FGF14: variants seen among roughly 807,000 people sequenced by gnomAD.
FGF14 encodes the protein fibroblast growth factor homologous factor 4.
In FGF14, 5 loss-of-function variants were observed where a neutral mutation model predicts 25.5. That is an observed-to-expected ratio of 0.20 (90% CI 0.10 to 0.41). FGF14 has a LOEUF of 0.41. FGF14 is among the 10% of genes least tolerant of loss of function. The pLI, the probability that FGF14 is intolerant of heterozygous loss-of-function variation, is 1.00. For missense variants in FGF14, 222 were observed against 320.1 expected (o/e 0.69, Z 2.34); for synonymous variants, 138 against 118.3 (o/e 1.17, Z -1.08).
chr13:102,231,663 T>C (rs576026373), intron 1 of FGF14, among the ~76,000 whole-genome samples: 3 of 152,328 alleles, frequency 2.0e-5, no homozygotes, highest in Admixed American at 6.5e-5. Context: ...AATGGCTATC[T>C]CGTTACTCAT....
chr13:102,200,217 A>C (rs1459233414), intron 1 of FGF14, among the ~76,000 whole-genome samples: 1 of 152,218 alleles, frequency 6.6e-6, no homozygotes, highest in Non-Finnish European at 1.5e-5. Context: ...AATTTCATTT[A>C]ATCCTTGTTA....
intron 1 of FGF14, chr13:102,367,639 C>T (rs1262079084): frequency 6.6e-6 from 1 of 152,158 alleles, no homozygotes; most frequent in Non-Finnish European, 1.5e-5. Flanking sequence ...GAGTGTGTGT[C>T]GGGTAAGATG....
At chr13:101,833,254 AC>A (rs1394628894) in intron 3 of FGF14, among the ~76,000 whole-genome samples, 1 of 152,064 alleles carries the variant, frequency 6.6e-6, no homozygotes, top group African/African-American at 2.4e-5. Context: ...ATTCTGATAC[AC>A]AAATACTTTT....
intron 3 of FGF14, among the ~76,000 whole-genome samples, chr13:101,796,197 T>C (rs2040510788): frequency 6.6e-6 from 1 of 152,082 alleles, no homozygotes. Context: ...TATATGAACA[T>C]GATTTAATAT....
At chr13:102,245,622 A>G (rs1329560817) in intron 1 of FGF14, among the ~76,000 whole-genome samples, 1 of 152,098 alleles carries the variant, frequency 6.6e-6, no homozygotes, top group Non-Finnish European at 1.5e-5. Context: ...TGTTAATTTT[A>G]TAAGGATTTA....
At chr13:101,993,625 T>G (rs2039022715) in intron 1 of FGF14, among the ~76,000 whole-genome samples, 1 of 152,100 alleles carries the variant, frequency 6.6e-6, no homozygotes, top group Non-Finnish European at 1.5e-5. Flanking sequence ...ATTGTGTTAT[T>G]TAAAAGTGGA....
intron 1 of FGF14, among the ~76,000 whole-genome samples, chr13:102,238,669 T>A (rs77249119): frequency 6.6e-6 from 1 of 152,240 alleles, no homozygotes; most frequent in African/African-American, 2.4e-5. Context: ...ATTCAAAGTA[T>A]AGACAGTGAT....
chr13:101,847,186 G>C (rs1419840801), intron 3 of FGF14, among the ~76,000 whole-genome samples: 4 of 151,938 alleles, frequency 2.6e-5, no homozygotes, highest in South Asian at 4.2e-4. Context: ...CACTCATCTG[G>C]GTTGAGAAAG....
At chr13:101,982,871 T>A (rs1015729718) in intron 1 of FGF14, among the ~76,000 whole-genome samples, 1 of 152,200 alleles carries the variant, frequency 6.6e-6, no homozygotes, top group Non-Finnish European at 1.5e-5. Context: ...GGCAAACAGA[T>A]GAAAAAACTG....
At chr13:101,901,329 T>A (rs2031519639) in intron 1 of FGF14, among the ~76,000 whole-genome samples, 1 of 152,220 alleles carries the variant, frequency 6.6e-6, no homozygotes, top group African/African-American at 2.4e-5. Context: ...CTTCCAAATC[T>A]GATTTCTTGC....
At chr13:102,089,027 C>T (rs531246296) in intron 1 of FGF14, among the ~76,000 whole-genome samples, 1 of 152,264 alleles carries the variant, frequency 6.6e-6, no homozygotes, top group Admixed American at 6.5e-5. Flanking sequence ...TCAACTTTAC[C>T]TGTTGAAAAT....
chr13:102,077,385 T>G (rs1470333494), intron 1 of FGF14, among the ~76,000 whole-genome samples: 3 of 152,240 alleles, frequency 2.0e-5, no homozygotes, highest in African/African-American at 7.2e-5. Flanking sequence ...AAGATATATG[T>G]AAATGCATTT....
intron 1 of FGF14, among the ~76,000 whole-genome samples, chr13:102,256,314 T>C (rs2052434970): frequency 6.6e-6 from 1 of 151,376 alleles, no homozygotes; most frequent in African/African-American, 2.4e-5. Context: ...GCAACACAGG[T>C]AGACCCCATC....
At chr13:101,885,378 G>A (rs1050700600) in intron 1 of FGF14, among the ~76,000 whole-genome samples, 3 of 152,052 alleles carry the variant, frequency 2.0e-5, no homozygotes, top group African/African-American at 4.8e-5. Context: ...AGAAAGAGGC[G>A]AGGTGATTCA....
intron 1 of FGF14, among the ~76,000 whole-genome samples, chr13:102,111,797 G>C (rs1246587652): frequency 6.8e-6 from 1 of 146,170 alleles, no homozygotes; most frequent in African/African-American, 2.5e-5. Flanking sequence ...AAAAACCAAA[G>C]CAAAACAAAA....
intron 1 of FGF14, among the ~76,000 whole-genome samples, chr13:102,350,991 C>T (rs1002814225): frequency 3.9e-5 from 6 of 152,148 alleles, no homozygotes; most frequent in African/African-American, 1.2e-4. Context: ...ACCCACGTTG[C>T]TCCTCCTCAG....
intron 1 of FGF14, among the ~76,000 whole-genome samples, chr13:102,069,140 C>T (rs983596786): frequency 6.8e-5 from 10 of 146,660 alleles, no homozygotes; most frequent in African/African-American, 1.0e-4. Context: ...GCTCAAGGTT[C>T]GTAAACACAC....
intron 1 of FGF14, among the ~76,000 whole-genome samples, chr13:101,896,693 A>G (rs79207190): frequency 0.023 from 3,557 of 152,292 alleles, 160 homozygotes; most frequent in African/African-American, 0.08. Context: ...TTTGGAGGGC[A>G]TATGTGTACC....
intron 1 of FGF14, among the ~76,000 whole-genome samples, chr13:102,376,573 C>T (rs2058045922): frequency 6.6e-6 from 1 of 152,154 alleles, no homozygotes; most frequent in South Asian, 2.1e-4. Flanking sequence ...GAGTAGTATA[C>T]ACAATGGTCT....
Sources: gnomAD v4.1 joint callset for allele counts (sites outside exome capture counted in the v4.1 genomes callset) on GRCh38, gnomAD v4.1.1 for gene constraint, MANE v1.5 for transcripts, NCBI Gene and HGNC (gene_info 2026-07-23, HGNC 2026-07-21) for gene names.